JAZF1: variants seen among roughly 807,000 people sequenced by gnomAD.
JAZF1 encodes the protein JAZF zinc finger 1, also known as juxtaposed with another zinc finger protein 1.
JAZF1 carries 8 observed loss-of-function variants against 26.4 expected under a neutral mutation model. The observed-to-expected ratio is 0.30, with a 90% CI of 0.18 to 0.55. JAZF1 has a LOEUF of 0.55. JAZF1 is among the 20% of genes least tolerant of loss of function. The pLI, the probability that JAZF1 is intolerant of heterozygous loss-of-function variation, is 0.94. For missense variants in JAZF1, 199 were observed against 322.0 expected (o/e 0.62, Z 2.92); for synonymous variants, 126 against 122.3 (o/e 1.03, Z -0.20).
At chr7:28,091,851 G>GTAA (rs1451576624) in intron 1 of JAZF1, among the ~76,000 whole-genome samples, 1 of 152,090 alleles carries the variant, frequency 6.6e-6, no homozygotes, top group Non-Finnish European at 1.5e-5. Context: ...TGAATCCTGT[G>GTAA]TAATGGAACT....
chr7:28,086,355 T>C (rs1784212028), intron 1 of JAZF1, among the ~76,000 whole-genome samples: 1 of 152,206 alleles, frequency 6.6e-6, no homozygotes, highest in Admixed American at 6.5e-5. Context: ...GGGAGGTGCA[T>C]TCCAATCTGC....
chr7:27,961,482 C>T (rs537057403), intron 2 of JAZF1, among the ~76,000 whole-genome samples: 1 of 152,282 alleles, frequency 6.6e-6, no homozygotes, highest in South Asian at 2.1e-4. Context: ...TTGTCCCAGA[C>T]CACATCATAA....
chr7:28,101,922 A>G (rs1784477955), intron 1 of JAZF1, among the ~76,000 whole-genome samples: 1 of 152,118 alleles, frequency 6.6e-6, no homozygotes, highest in African/African-American at 2.4e-5. Context: ...ATGCTTTTAG[A>G]TATATTTTTA....
intron 2 of JAZF1, among the ~76,000 whole-genome samples, chr7:27,910,335 C>T (rs1784341384): frequency 1.3e-5 from 2 of 152,172 alleles, no homozygotes; most frequent in Non-Finnish European, 1.5e-5. Context: ...AAAGCCTGCA[C>T]AAATTTATGG....
At chr7:27,878,126 G>C (rs531013801) in intron 3 of JAZF1, among the ~76,000 whole-genome samples, 3 of 152,128 alleles carry the variant, frequency 2.0e-5, no homozygotes, top group Non-Finnish European at 4.4e-5. Context: ...AGTGAACTAC[G>C]AACATGATGC....
intron 3 of JAZF1, among the ~76,000 whole-genome samples, chr7:27,854,195 C>G (rs1639298606): frequency 6.6e-6 from 1 of 152,188 alleles, no homozygotes; most frequent in South Asian, 2.1e-4. Context: ...ATTCCAACCC[C>G]TGCTTTTCTT....
At chr7:28,076,513 T>G (rs1784053626) in intron 1 of JAZF1, among the ~76,000 whole-genome samples, 2 of 152,132 alleles carry the variant, frequency 1.3e-5, no homozygotes, top group South Asian at 2.1e-4. Flanking sequence ...AAAAGACTGA[T>G]GAAATTCTAA....
intron 2 of JAZF1, among the ~76,000 whole-genome samples, chr7:27,937,678 G>C (rs1784779691): frequency 6.6e-6 from 1 of 152,178 alleles, no homozygotes; most frequent in African/African-American, 2.4e-5. Flanking sequence ...ATGGATGGAT[G>C]TATAACAACA....
intron 3 of JAZF1, among the ~76,000 whole-genome samples, chr7:27,885,081 G>C (rs1783835272): frequency 6.6e-6 from 1 of 152,200 alleles, no homozygotes; most frequent in South Asian, 2.1e-4. Context: ...TAAAGACTTT[G>C]AGATGCCCTT....
chr7:28,163,602 T>C (rs1210955353), intron 1 of JAZF1, among the ~76,000 whole-genome samples: 3 of 152,206 alleles, frequency 2.0e-5, no homozygotes, highest in Non-Finnish European at 4.4e-5. Context: ...GGGTCATCCC[T>C]AACCAAACAA....
At chr7:28,014,391 C>G (rs1326311275) in intron 1 of JAZF1, among the ~76,000 whole-genome samples, 1 of 152,162 alleles carries the variant, frequency 6.6e-6, no homozygotes, top group East Asian at 1.9e-4. Context: ...TGTGTCCCCA[C>G]CCAAATCTCA....
At chr7:28,171,394 T>A (rs1034451903) in intron 1 of JAZF1, among the ~76,000 whole-genome samples, 1 of 152,206 alleles carries the variant, frequency 6.6e-6, no homozygotes, top group African/African-American at 2.4e-5. Context: ...AAAGTTACCT[T>A]TGTAATTTAT....
At chr7:27,946,360 G>A (rs1230746755) in intron 2 of JAZF1, among the ~76,000 whole-genome samples, 1 of 152,146 alleles carries the variant, frequency 6.6e-6, no homozygotes, top group South Asian at 2.1e-4. Context: ...ACCTAAAGAA[G>A]ATCTATCTAA....
intron 1 of JAZF1, among the ~76,000 whole-genome samples, chr7:28,029,316 T>G (rs989530891): frequency 1.3e-5 from 2 of 152,192 alleles, no homozygotes; most frequent in Non-Finnish European, 1.5e-5. Flanking sequence ...TTATGAAATA[T>G]CTTAGGAATG....
chr7:27,833,107 C>G (rs1782739986), intron 4 of JAZF1, 131 bp from the exon 5 acceptor site: 1 of 597,680 alleles, frequency 1.7e-6, no homozygotes, highest in African/African-American at 1.9e-5. Context: ...TGCAAGGACT[C>G]CAGTTGGGAC....
At chr7:28,081,987 CTAAA>C (rs1784144510) in intron 1 of JAZF1, among the ~76,000 whole-genome samples, 1 of 152,068 alleles carries the variant, frequency 6.6e-6, no homozygotes, top group Non-Finnish European at 1.5e-5. Flanking sequence ...TATTAAGGGG[CTAAA>C]TAAGTTGATC....
rs183180343 is a variant in JAZF1, at chr7:27,958,683, C to A, written c.188+33226G>T. ...CAGGGGTCCAGTTCTGTGTGACTTA[C>A]GTTTCCTCACCATAACTTGGGAGTA... On this transcript the variant is annotated intron_variant, in intron 2 of 4. Coordinates refer to ENST00000283928, the MANE Select transcript of JAZF1 (RefSeq NM_175061.4). Among the ~76,000 whole-genome samples, 927 of 152,268 alleles carry A rather than the reference C, an allele frequency of 6.1e-3. 12 individuals are homozygous for A. The highest frequency in any genetic ancestry group is 0.021 in the African/African-American group (884 of 41,536).
intron 1 of JAZF1, among the ~76,000 whole-genome samples, chr7:28,090,817 G>GTTTTT (rs11367530): frequency 1.5e-3 from 157 of 101,802 alleles, no homozygotes; most frequent in South Asian, 1.8e-3. Context: ...TTTTTTAGTT[G>GTTTTT]TTTTTTTTTT....
intron 1 of JAZF1, chr7:28,071,479 C>G: frequency 2.6e-6 from 1 of 378,348 alleles, no homozygotes; most frequent in Admixed American, 3.7e-5. Flanking sequence ...ACTCTCATTT[C>G]TTTCCTTCCT....
Sources: gnomAD v4.1 joint callset for allele counts (sites outside exome capture counted in the v4.1 genomes callset) on GRCh38, gnomAD v4.1.1 for gene constraint, MANE v1.5 for transcripts, NCBI Gene and HGNC (gene_info 2026-07-23, HGNC 2026-07-21) for gene names.